Variants in TNRC18 observed in about 807,000 individuals in gnomAD.
TNRC18 encodes trinucleotide repeat containing 18, also known as trinucleotide repeat-containing gene 18 protein.
TNRC18 carries 69 observed loss-of-function variants against 226.7 expected under a neutral mutation model. The observed-to-expected ratio is 0.30, with a 90% CI of 0.25 to 0.37. The LOEUF is 0.37. TNRC18 is among the 10% of genes least tolerant of loss of function. The pLI is 1.00. For synonymous variants in TNRC18, 2,449 were observed against 1,927.6 expected, an observed-to-expected ratio of 1.27 and a Z score of -7.09; for missense variants, 4,754 against 4,256.6, an observed-to-expected ratio of 1.12 and a Z score of -3.25.
rs1312040934 is a variant in TNRC18 at position 5,388,486 on chromosome 7, C to T, written c.1338G>A (p.Thr446=). ...CCGGGGAGGCGCGTGTGGCCCGCAC[C>T]GTGGGGGCATCCGCGGGGGGCGGCC... is the stretch of plus-strand genomic sequence containing the variant. ...LKRPPPADAP[T]VRATRASPDP... The change falls in exon 5 of 30, where the codon ACG becomes ACA. Residue 446 remains threonine (T), a synonymous_variant. Transcript: ENST00000430969. 3 of 1,365,338 alleles carry T rather than the reference C, an allele frequency of 2.2e-6. No homozygotes were observed. Among genetic ancestry groups the T allele is most frequent in the Non-Finnish European group, 1.9e-6 (2 of 1,066,420 alleles). 84.6% of individuals were successfully genotyped at this position (1,365,338 alleles called of 1,614,324 possible).
intron 27 of TNRC18, among the ~76,000 whole-genome samples, chr7:5,311,784 C>T (rs1460960077): frequency 3.3e-5 from 5 of 151,554 alleles, no homozygotes; most frequent in Admixed American, 2.0e-4. Context: ...CACCGCTGCA[C>T]TCCAGCCTGG....
At chr7:5,358,352 C>T (rs940701716) in intron 15 of TNRC18, among the ~76,000 whole-genome samples, 1 of 152,198 alleles carries the variant, frequency 6.6e-6, no homozygotes, top group African/African-American at 2.4e-5. Context: ...TTTCTTTAAT[C>T]AGGTGACATT....
rs1779118202 is a variant in TNRC18 at position 5,377,904 on chromosome 7, ATC to A, written c.2255+16_2255+17del. 1.2e-6 allele frequency: 2 copies of A among 1,611,186 alleles called. No homozygotes were observed. The highest frequency in any genetic ancestry group is 2.7e-5 in the African/African-American group (2 of 74,566). ...CCTAGATACCCCCTAGACCCTCAGG[ATC>A]CCCCGACACCCTCACCTGAGCAGCT... is the stretch of plus-strand genomic sequence containing the variant. On this transcript the variant is annotated intron_variant, in intron 6 of 29. Transcript: ENST00000430969. This position sits in a 1 kb window ranked among gnomAD's most constrained non-coding sequence, Gnocchi z 5.8.
intron 11 of TNRC18, among the ~76,000 whole-genome samples, chr7:5,365,027 GGGGGC>G (rs1026739773): frequency 1.3e-4 from 11 of 82,416 alleles, no homozygotes; most frequent in South Asian, 3.7e-4. Flanking sequence ...AATCATGTGG[GGGGGC>G]GGGGGCGGAA....
chr7:5,320,123 T>C (rs1292997145), intron 24 of TNRC18, 195 bp downstream of exon 24: 1 of 571,724 alleles, frequency 1.7e-6, no homozygotes, highest in Non-Finnish European at 3.2e-6. Context: ...TGCTGACAGA[T>C]ACTCAGAGCT....
In TNRC18 at chr7:5,388,519, C is replaced by A; in HGVS notation, c.1305G>T (p.Ser435=). 3 of 1,323,692 alleles carry A rather than the reference C, an allele frequency of 2.3e-6. No homozygotes were observed. Among genetic ancestry groups the A allele is most frequent in the South Asian group, 1.8e-5 (1 of 56,148 alleles). 82.0% of individuals were successfully genotyped at this position (1,323,692 alleles called of 1,614,324 possible). Residue 435 remains serine (S), a synonymous_variant, in exon 5 of 30, where the codon TCG becomes TCT. Coordinates refer to ENST00000430969, the MANE Select transcript of TNRC18 (RefSeq NM_001080495.3). The part of the protein sequence containing the change: ...GLREKNSVIR[S]LKRPPPADAP... ...CATCCGCGGGGGGCGGCCGCTTGAG[C>A]GAGCGGATGACCGAGTTCTTCTCGC...
In TNRC18 at chr7:5,324,820, C is replaced by T. The variant is rs1478091891; in HGVS notation, c.6300+276G>A. 1.3e-5 allele frequency among the ~76,000 whole-genome samples: 2 copies of T among 152,226 alleles called. No individual in the cohort carries two copies. Among genetic ancestry groups the T allele is most frequent in the African/African-American group, 2.4e-5 (1 of 41,448 alleles). On this transcript the variant is annotated intron_variant, in intron 20 of 29. Coordinates refer to ENST00000430969, the MANE Select transcript of TNRC18 (RefSeq NM_001080495.3). This position sits in a 1 kb window ranked among gnomAD's most constrained non-coding sequence, Gnocchi z 4.8. Reference sequence around the variant, plus strand: ...CTGAGGGCCCTGTGAGGACCTGGTGCTGGGCTGGGGGCCTGTCACCCAGGT... The same window carrying T: ...CTGAGGGCCCTGTGAGGACCTGGTGTTGGGCTGGGGGCCTGTCACCCAGGT...
chr7:5,389,190 G>A lies in TNRC18; in HGVS notation c.634C>T (p.Arg212Cys), dbSNP rs1219074753. The A allele has an allele frequency of 1.9e-5, 25 of 1,321,236 alleles. No individual in the cohort carries two copies. Among genetic ancestry groups the A allele is most frequent in the Non-Finnish European group, 2.4e-5 (25 of 1,038,000 alleles). 81.8% of individuals were successfully genotyped at this position (1,321,236 alleles called of 1,614,324 possible). The change falls in exon 5 of 30, where the codon CGC becomes TGC. Residue 212 changes from arginine (R) to cysteine (C), a missense_variant. By Grantham distance (180) the Arg-to-Cys change is radical. Coordinates refer to ENST00000430969, the MANE Select transcript of TNRC18 (RefSeq NM_001080495.3). ...AAAAGCGGAGGCGGCTCCCCGCCGC[G>A]GCCCGCCCGCTCCTTGGCTGGACCG... The part of the protein sequence containing the change: ...RDGPAKERAG[R>C]GGEPPPLFGK...
rs1350441475 is a variant in TNRC18 at position 5,408,687 on chromosome 7, G to A, written c.187+12373C>T. On this transcript the variant is annotated intron_variant, in intron 2 of 29. Coordinates refer to ENST00000430969, the MANE Select transcript of TNRC18 (RefSeq NM_001080495.3). Reference sequence around the variant, plus strand: ...AACCATTTGGAAGCAAGAAAGCAGAGAGACAAGAGATGTGCGGCCTGGCAC... The same window carrying A: ...AACCATTTGGAAGCAAGAAAGCAGAAAGACAAGAGATGTGCGGCCTGGCAC... 2.6e-5 allele frequency among the ~76,000 whole-genome samples: 4 copies of A among 152,280 alleles called. No individual in the cohort carries two copies. In the East Asian group the frequency reaches 7.7e-4, roughly 29 times the overall value.
intron 17 of TNRC18, among the ~76,000 whole-genome samples, chr7:5,349,778 G>A (rs890594414): frequency 5.3e-5 from 8 of 152,338 alleles, no homozygotes; most frequent in African/African-American, 1.4e-4. Flanking sequence ...GCTGCTGGAA[G>A]AAGCAGACAT....
chr7:5,388,187 G>C lies in TNRC18; in HGVS notation c.1637C>G (p.Ser546Cys), dbSNP rs748842701. 4 of 1,587,912 alleles carry C rather than the reference G, an allele frequency of 2.5e-6. No individual in the cohort carries two copies. The African/African-American group carries it at 5.4e-5, about 21-fold the overall frequency. Reference sequence around the variant, plus strand: ...AGGGTCCAGGTAGGCCTTCTTGGAGGAGGAGGCAGCGACCACGGCGGCCTC... The same window carrying C: ...AGGGTCCAGGTAGGCCTTCTTGGAGCAGGAGGCAGCGACCACGGCGGCCTC... The part of the protein sequence containing the change: ...EEEAAVVAAS[S>C]SKKAYLDPGA... Residue 546 changes from serine (S) to cysteine (C), a missense_variant, in exon 5 of 30, where the codon TCC (serine) becomes TGC (cysteine). By Grantham distance (112) the Ser-to-Cys change is moderately radical (BLOSUM62 -1). Coordinates refer to ENST00000430969, the MANE Select transcript of TNRC18 (RefSeq NM_001080495.3).
intron 2 of TNRC18, among the ~76,000 whole-genome samples, chr7:5,409,374 AG>A (rs1389594071): frequency 6.6e-6 from 1 of 152,158 alleles, no homozygotes; most frequent in Non-Finnish European, 1.5e-5. Flanking sequence ...AAGCAAACTC[AG>A]GTTATAAGAG....
At chr7:5,379,162 A>G (rs1046895938) in intron 5 of TNRC18, among the ~76,000 whole-genome samples, 3 of 151,842 alleles carry the variant, frequency 2.0e-5, no homozygotes, top group African/African-American at 7.3e-5. Context: ...GCACCACTGC[A>G]CTCCAGCCTG....
rs970337141 is a variant in TNRC18 at position 5,310,944 on chromosome 7, GTGTT to G, written c.8388+1555_8388+1558del. ...TGTGTGCACGTGTTCGTGTGTGCAC[GTGTT>G]TGTGTGTGTGCACGTGTACTCGTGT... is the stretch of plus-strand genomic sequence containing the variant. On this transcript the variant is annotated intron_variant, in intron 27 of 29. Transcript: ENST00000430969. Among the ~76,000 whole-genome samples, 7 of 151,392 alleles carry G rather than the reference GTGTT, an allele frequency of 4.6e-5. 1 individual carries two copies. In the South Asian group the frequency reaches 8.3e-4, roughly 18 times the overall value.
At position 5,313,346 on chromosome 7, in the gene TNRC18, T is replaced by C. The variant is rs1787490801; in HGVS notation, c.7545A>G (p.Ala2515=). The C allele has an allele frequency of 6.4e-7, 1 of 1,558,834 alleles. No homozygotes were observed. Among genetic ancestry groups the C allele is most frequent in the African/African-American group, 1.4e-5 (1 of 73,400 alleles). The change falls in exon 27 of 30, where the codon GCA becomes GCG. Residue 2515 remains alanine, a synonymous_variant. Transcript: ENST00000430969. ...CCCCGTCGGTGGCCTTGGGCCAGGG[T>C]GCCTTGGGCTCGCTGCTGCCGGCCG... The part of the protein sequence containing the change: ...PPAAGSSEPK[A]PWPKATDGDL...
At chr7:5,369,305 C>A (rs1041196057) in intron 11 of TNRC18, among the ~76,000 whole-genome samples, 7 of 152,114 alleles carry the variant, frequency 4.6e-5, no homozygotes, top group Non-Finnish European at 4.4e-5. Flanking sequence ...GCCGAGATGA[C>A]ACCACTGCAC....
chr7:5,312,512 C>T lies in TNRC18; in HGVS notation c.8379G>A (p.Lys2793=). 6.2e-7 allele frequency: 1 copy of T among 1,610,814 alleles called. No homozygotes were observed. Among genetic ancestry groups the T allele is most frequent in the African/African-American group, 1.3e-5 (1 of 74,986 alleles). The change falls in exon 27 of 30, where the codon AAG becomes AAA. Residue 2793 remains lysine (K), a synonymous_variant. Coordinates refer to ENST00000430969, the MANE Select transcript of TNRC18 (RefSeq NM_001080495.3). This position sits in a 1 kb window ranked among gnomAD's most constrained non-coding sequence, Gnocchi z 6.3. ...GCGCGAGCTTGCTCACCTGGGTGGG[C>T]TTGCCGAACCACTTCCAGAGCTGCC... ...PARQLWKWFG[K]PTQRRGMKGK...
intron 19 of TNRC18, among the ~76,000 whole-genome samples, chr7:5,332,206 G>A (rs546832385): frequency 6.6e-6 from 1 of 152,270 alleles, no homozygotes; most frequent in African/African-American, 2.4e-5. Context: ...GGAGGTTGGG[G>A]CAGAAGAATC....
chr7:5,375,228 G>C lies in TNRC18; in HGVS notation c.2800-744C>G, dbSNP rs182208904. 2.0e-5 allele frequency among the ~76,000 whole-genome samples: 3 copies of C among 152,312 alleles called. No individual in the cohort carries two copies. In the East Asian group the frequency reaches 5.8e-4, roughly 29 times the overall value. On this transcript the variant is annotated intron_variant, in intron 9 of 29. Transcript: ENST00000430969. The stretch of plus-strand genomic sequence containing the variant: ...GGAGGCTGAGGCAGGAGAATCGTTT[G>C]AACCCAGGAGGCGGAGGTTGCAGTG...
Sources: gnomAD v4.1 joint callset for allele counts (sites outside exome capture counted in the v4.1 genomes callset) on GRCh38, gnomAD v4.1.1 for gene constraint, Gnocchi (gnomAD v3.1) non-coding constraint, MANE v1.5 for transcripts, NCBI Gene and HGNC (gene_info 2026-07-23, HGNC 2026-07-21) for gene names.